AFAP1: variants seen among roughly 807,000 people sequenced by gnomAD.
The protein encoded by AFAP1 is actin filament associated protein 1.
In AFAP1, 75 loss-of-function variants were observed where a neutral mutation model predicts 93.9. The ratio of observed to expected loss-of-function variants is 0.80; its 90% CI spans 0.66 to 0.97. The LOEUF (loss-of-function observed/expected upper bound fraction) is 0.97, where lower values mean the gene tolerates loss of function less well. Among genes scored for constraint, AFAP1 ranks in the 50% least tolerant of loss-of-function variants. The pLI, the probability that AFAP1 is intolerant of heterozygous loss-of-function variation, is 0.00. For missense variants in AFAP1, 1,201 were observed against 1,050.8 expected (o/e 1.14, Z -1.98); for synonymous variants, 517 against 430.7 (o/e 1.20, Z -2.48).
At chr4:7,898,868 ATGTG>A (rs978783158) in intron 1 of AFAP1, among the ~76,000 whole-genome samples, 34 of 146,950 alleles carry the variant, frequency 2.3e-4, no homozygotes, top group African/African-American at 8.2e-4. Context: ...GTGTATATAT[ATGTG>A]TGTGTGGTGT....
At chr4:7,866,149 G>A (rs1300909648) in intron 3 of AFAP1, among the ~76,000 whole-genome samples, 1 of 151,860 alleles carries the variant, frequency 6.6e-6, no homozygotes, top group African/African-American at 2.4e-5. Flanking sequence ...CACCCACCTC[G>A]GCCTCCCAAA....
At chr4:7,914,795 G>C (rs1227704386) in intron 1 of AFAP1, among the ~76,000 whole-genome samples, 1 of 152,072 alleles carries the variant, frequency 6.6e-6, no homozygotes, top group African/African-American at 2.4e-5. Context: ...CCAGGCTGGA[G>C]TACAGTGGCG....
At chr4:7,889,683 A>G (rs988494455) in intron 1 of AFAP1, among the ~76,000 whole-genome samples, 2 of 135,848 alleles carry the variant, frequency 1.5e-5, no homozygotes, top group African/African-American at 5.3e-5. Context: ...CTGTACCTCA[A>G]TGAAGCGTTT....
intron 9 of AFAP1, among the ~76,000 whole-genome samples, chr4:7,808,878 C>A (rs777263439): frequency 6.6e-6 from 1 of 152,138 alleles, no homozygotes; most frequent in African/African-American, 2.4e-5. Context: ...GCCCTTGCCA[C>A]GAGTAAAAGC....
chr4:7,812,934 C>G (rs1303117746), intron 8 of AFAP1, among the ~76,000 whole-genome samples: 1 of 152,158 alleles, frequency 6.6e-6, no homozygotes, highest in Non-Finnish European at 1.5e-5. Context: ...AGGAGCCTCA[C>G]AGCCCCCAAA....
At chr4:7,889,653 T>C (rs1434168691) in intron 1 of AFAP1, among the ~76,000 whole-genome samples, 2 of 149,232 alleles carry the variant, frequency 1.3e-5, no homozygotes, top group African/African-American at 4.9e-5. Context: ...TTTAAACATG[T>C]GAGGTTTATT....
chr4:7,858,667 G>C (rs147131880), intron 3 of AFAP1, among the ~76,000 whole-genome samples: 21 of 152,148 alleles, frequency 1.4e-4, no homozygotes, highest in Non-Finnish European at 2.4e-4. Flanking sequence ...AAGAGAGTCT[G>C]GCAAAGGGAG....
intron 8 of AFAP1, among the ~76,000 whole-genome samples, chr4:7,814,977 C>A (rs1720347983): frequency 1.3e-5 from 2 of 152,364 alleles, no homozygotes; most frequent in South Asian, 4.1e-4. Flanking sequence ...CAGCATCTTT[C>A]ACACTAGCCC....
At chr4:7,865,320 C>T (rs1259022895) in intron 3 of AFAP1, among the ~76,000 whole-genome samples, 3 of 152,298 alleles carry the variant, frequency 2.0e-5, no homozygotes, top group South Asian at 4.1e-4. Context: ...CAAACTGTCA[C>T]TCAAAAAGGA....
chr4:7,781,297 T>A, intron 13 of AFAP1, 79 bp downstream of exon 13: 1 of 1,498,214 alleles, frequency 6.7e-7, no homozygotes, highest in Non-Finnish European at 9.0e-7. Context: ...TGAGTCCCAT[T>A]TACTACAAGT....
intron 4 of AFAP1, among the ~76,000 whole-genome samples, chr4:7,844,172 A>C (rs1433058516): frequency 7.9e-6 from 1 of 126,502 alleles, no homozygotes; most frequent in East Asian, 2.1e-4. Context: ...CAAGTGTTGA[A>C]GCTCTAACCA....
In AFAP1 at chr4:7,798,052, G is replaced by T. The variant is rs532012854; in HGVS notation, c.1266+2390C>A. ...TCTCAAAACAAAAGTTAAAATAAAAGGATCTTGGAAAAAGTATAGATTGCA... is the reference window on the plus strand; with the variant it reads ...TCTCAAAACAAAAGTTAAAATAAAATGATCTTGGAAAAAGTATAGATTGCA... On this transcript the variant is annotated intron_variant, in intron 10 of 17. Transcript: ENST00000420658. Among the ~76,000 whole-genome samples, 3 of 152,286 alleles carry T rather than the reference G, an allele frequency of 2.0e-5. No individual in the cohort carries two copies. In the East Asian group the frequency reaches 5.8e-4, roughly 29 times the overall value.
chr4:7,796,990 G>A (rs1376783575), intron 10 of AFAP1, among the ~76,000 whole-genome samples: 4 of 150,978 alleles, frequency 2.6e-5, no homozygotes, highest in Admixed American at 6.6e-5. Context: ...AACCTGGGAC[G>A]TGGAGGTTAC....
intron 1 of AFAP1, among the ~76,000 whole-genome samples, chr4:7,920,249 T>C (rs578216347): frequency 2.0e-5 from 3 of 152,178 alleles, no homozygotes; most frequent in Non-Finnish European, 4.4e-5. Context: ...CTAATTTACA[T>C]TCCCACCAAC....
intron 1 of AFAP1, among the ~76,000 whole-genome samples, chr4:7,918,151 C>A (rs28668865): frequency 0.055 from 8,329 of 151,812 alleles, 486 homozygotes; most frequent in African/African-American, 0.14. Context: ...CCACTCGGCC[C>A]AGATCACCAG....
intron 10 of AFAP1, among the ~76,000 whole-genome samples, chr4:7,797,289 G>A (rs1718522912): frequency 6.6e-6 from 1 of 152,162 alleles, no homozygotes. Flanking sequence ...GAAATTGTGA[G>A]TAATAATAGG....
intron 8 of AFAP1, among the ~76,000 whole-genome samples, chr4:7,810,985 G>A (rs555281554): frequency 2.0e-5 from 3 of 152,336 alleles, no homozygotes; most frequent in South Asian, 2.1e-4. Flanking sequence ...AAATCAGAAC[G>A]TGCGTGTGAG....
At chr4:7,861,677 CA>C (rs1715713293) in intron 3 of AFAP1, among the ~76,000 whole-genome samples, 2 of 152,234 alleles carry the variant, frequency 1.3e-5, no homozygotes, top group South Asian at 4.1e-4. Flanking sequence ...GGCAGCCCAC[CA>C]GGGGCGGAAA....
chr4:7,882,303 G>T (rs1173017263), intron 1 of AFAP1, among the ~76,000 whole-genome samples: 2 of 151,670 alleles, frequency 1.3e-5, no homozygotes, highest in Admixed American at 6.6e-5. Flanking sequence ...CCAGACCCAG[G>T]TAGTTTTACA....
Sources: allele counts gnomAD v4.1 joint callset (sites outside exome capture counted in the v4.1 genomes callset), GRCh38; gene constraint gnomAD v4.1.1; transcripts MANE v1.5; gene names NCBI Gene and HGNC (gene_info 2026-07-23, HGNC 2026-07-21).